Variants in DNAH9 observed in about 807,000 individuals in gnomAD.
DNAH9 encodes DNAH9 variant protein.
A neutral mutation model predicts 471.6 loss-of-function variants in DNAH9; 345 were observed. The observed-to-expected ratio is 0.73, with a 90% CI of 0.67 to 0.80. The LOEUF (loss-of-function observed/expected upper bound fraction) is 0.80, where lower values mean the gene tolerates loss of function less well. Among genes scored for constraint, DNAH9 ranks in the 30% least tolerant of loss-of-function variants. The pLI is 0.00. For synonymous variants in DNAH9, 2,093 were observed against 2,123.6 expected, an observed-to-expected ratio of 0.99 and a Z score of 0.40; for missense variants, 5,407 against 5,609.2, an observed-to-expected ratio of 0.96 and a Z score of 1.15.
At chr17:11,930,433 A>G (rs772551856) in intron 63 of DNAH9, among the ~76,000 whole-genome samples, 2 of 152,192 alleles carry the variant, frequency 1.3e-5, no homozygotes, top group East Asian at 1.9e-4. Flanking sequence ...CTGATGGGCT[A>G]TCTTCAGGCA....
intron 8 of DNAH9, among the ~76,000 whole-genome samples, chr17:11,636,194 C>CG (rs1197219138): frequency 2.6e-5 from 4 of 152,114 alleles, no homozygotes; most frequent in Middle Eastern, 6.8e-3. Flanking sequence ...TTAGTAGAGA[C>CG]GGGGTTTCAC....
chr17:11,768,362 TGCCCTGACCTTCTATCTGAC>T, intron 36 of DNAH9, 71 bp from the exon 37 acceptor site: 1 of 1,338,556 alleles, frequency 7.5e-7, no homozygotes, highest in East Asian at 2.3e-5. Context: ...CACGTTGTCC[TGCCCTGACCTTCTATCTGAC>T]GCCGTGGCCT....
rs1328848387 is a variant in DNAH9, at chr17:11,902,901, C to A, written c.11589C>A (p.Thr3863=). Residue 3863 remains threonine (T), a synonymous_variant, in exon 60 of 69, where the codon ACC becomes ACA. Transcript: ENST00000262442. ...GAGCCATGCGGCCCGACCGGATGAC[C>A]TATGCTTTGCGGTAGGAAACAGGGT... The part of the protein sequence containing the change: ...MLRAMRPDRM[T]YALRDFVEEK... The A allele has an allele frequency of 6.2e-7, 1 of 1,612,698 alleles. No homozygotes were observed. Among genetic ancestry groups the A allele is most frequent in the African/African-American group, 1.3e-5 (1 of 74,878 alleles).
chr17:11,781,844 CA>C (rs199979366), intron 39 of DNAH9, among the ~76,000 whole-genome samples: 3 of 114,284 alleles, frequency 2.6e-5, no homozygotes, highest in African/African-American at 1.1e-4. Flanking sequence ...AAAAAAAAAA[CA>C]AACAAAAAAA....
chr17:11,667,650 G>T (rs529691115), intron 15 of DNAH9, among the ~76,000 whole-genome samples: 1 of 152,324 alleles, frequency 6.6e-6, no homozygotes. Context: ...TTATGGGCAG[G>T]TTCCTTCTGT....
intron 45 of DNAH9, among the ~76,000 whole-genome samples, chr17:11,818,827 T>C (rs1401282230): frequency 2.6e-5 from 4 of 152,022 alleles, no homozygotes; most frequent in Non-Finnish European, 5.9e-5. Context: ...AGAAAACTGA[T>C]GTCATTTAGT....
At chr17:11,744,026 C>T (rs2075474903) in intron 30 of DNAH9, among the ~76,000 whole-genome samples, 1 of 152,068 alleles carries the variant, frequency 6.6e-6, no homozygotes, top group Non-Finnish European at 1.5e-5. Context: ...GACGAGGTTT[C>T]ACCATATTGG....
chr17:11,870,413 C>T (rs1028368063), intron 51 of DNAH9, among the ~76,000 whole-genome samples: 2 of 152,210 alleles, frequency 1.3e-5, no homozygotes, highest in Admixed American at 6.5e-5. Flanking sequence ...AAGTACATTC[C>T]ACACCTGTTG....
chr17:11,749,064 G>GT lies in DNAH9; in HGVS notation c.6610+1307dup, dbSNP rs1264153992. On this transcript the variant is annotated intron_variant, in intron 32 of 68. Transcript: ENST00000262442. ...GTTTTTCTTACCAATTTTTAAGAGG[G>GT]TTTTTTTTTGTTTTTTTTTTTGTTT... Among the ~76,000 whole-genome samples, 116 of 25,426 alleles carry GT rather than the reference G, an allele frequency of 4.6e-3. 3 individuals are homozygous for GT. Among genetic ancestry groups the GT allele is most frequent in the African/African-American group, 9.6e-3 (112 of 11,618 alleles). 16.7% of individuals were successfully genotyped at this position (25,426 alleles called of 152,430 possible).
chr17:11,958,107 T>C (rs2151448063), intron 67 of DNAH9, among the ~76,000 whole-genome samples: 2 of 152,192 alleles, frequency 1.3e-5, no homozygotes, highest in Middle Eastern at 3.4e-3. Flanking sequence ...TATCAAGCCA[T>C]GAAAAGAAAC....
intron 5 of DNAH9, 29 bp from the exon 6 acceptor site, chr17:11,619,519 T>C (rs764775464): frequency 1.5e-6 from 2 of 1,317,132 alleles, no homozygotes; most frequent in Admixed American, 3.4e-5. Context: ...CTGCACCTGC[T>C]CAGTGATACT....
intron 15 of DNAH9, among the ~76,000 whole-genome samples, chr17:11,668,223 C>T (rs1440894900): frequency 6.6e-6 from 1 of 152,126 alleles, no homozygotes; most frequent in East Asian, 1.9e-4. Flanking sequence ...GGATAAGGAG[C>T]AGAATAGGCA....
chr17:11,755,676 C>T (rs1378985160), intron 33 of DNAH9, among the ~76,000 whole-genome samples: 2 of 149,168 alleles, frequency 1.3e-5, no homozygotes, highest in Non-Finnish European at 1.5e-5. Flanking sequence ...TTTTTTCTGA[C>T]TCAACACACA....
At chr17:11,696,662 T>C (rs1328940724) in intron 22 of DNAH9, among the ~76,000 whole-genome samples, 1 of 152,210 alleles carries the variant, frequency 6.6e-6, no homozygotes, top group Non-Finnish European at 1.5e-5. Context: ...GATTTGTTGA[T>C]AAGAAGCAAG....
Position 11,756,693 on chromosome 17 carries a change from G to T in DNAH9, c.6847+17G>T, listed in dbSNP as rs201332653. 6 of 1,511,850 alleles carry T rather than the reference G, an allele frequency of 4.0e-6. No individual in the cohort carries two copies. The South Asian group carries it at 6.8e-5, about 17-fold the overall frequency. The allele number at this position is 1,511,850 out of a possible 1,614,324, so 93.7% of individuals were successfully genotyped here. A position where few individuals can be genotyped will look rare whatever the true frequency, so the allele number is the denominator to read the frequency against. ...CTAGAGCAGGTACGGCCCAAGAAGG[G>T]AAGAACCACAAAGCTACTCCACTTA... On this transcript the variant is annotated intron_variant, in intron 34 of 68. Transcript: ENST00000262442.
chr17:11,685,539 C>T (rs2074226921), intron 19 of DNAH9, among the ~76,000 whole-genome samples: 1 of 152,096 alleles, frequency 6.6e-6, no homozygotes, highest in Non-Finnish European at 1.5e-5. Context: ...AGAGTGGTTC[C>T]AACAGCCCAG....
intron 28 of DNAH9, among the ~76,000 whole-genome samples, chr17:11,738,614 C>T (rs1353673673): frequency 2.6e-5 from 4 of 152,262 alleles, no homozygotes; most frequent in South Asian, 2.1e-4. Flanking sequence ...CTCTTGACCT[C>T]GAGTGATCTG....
chr17:11,744,727 A>G, intron 30 of DNAH9, 70 bp from the exon 31 acceptor site: 1 of 1,365,142 alleles, frequency 7.3e-7, no homozygotes, highest in South Asian at 1.3e-5. Context: ...CATATCTATG[A>G]TTCTGCAGAC....
chr17:11,604,368 G>T (rs2072453588), intron 1 of DNAH9, among the ~76,000 whole-genome samples: 1 of 151,924 alleles, frequency 6.6e-6, no homozygotes, highest in Admixed American at 6.6e-5. Flanking sequence ...TCATTCCCTG[G>T]ACGTCTTCTC....
Sources: allele counts gnomAD v4.1 joint callset (sites outside exome capture counted in the v4.1 genomes callset), GRCh38; gene constraint gnomAD v4.1.1; transcripts MANE v1.5; gene names NCBI Gene and HGNC (gene_info 2026-07-23, HGNC 2026-07-21).